The following OTUD7B variants were observed in gnomAD, a reference collection of about 807,000 sequenced individuals.
The protein encoded by OTUD7B is OTU domain-containing protein 7B.
Under a neutral mutation model 82.2 loss-of-function variants are expected in OTUD7B, and 34 were observed. The ratio of observed to expected loss-of-function variants is 0.41; its 90% CI spans 0.31 to 0.55. OTUD7B has a LOEUF of 0.55. Among genes scored for constraint, OTUD7B ranks in the 20% least tolerant of loss-of-function variants. The pLI, the probability that OTUD7B is intolerant of heterozygous loss-of-function variation, is 0.20. For synonymous variants in OTUD7B, 398 were observed against 402.7 expected (o/e 0.99, Z 0.14); for missense variants, 944 against 1,062.1 (o/e 0.89, Z 1.55).
chr1:149,971,892 T>C (rs1649964679), intron 2 of OTUD7B, among the ~76,000 whole-genome samples: 1 of 152,260 alleles, frequency 6.6e-6, no homozygotes, highest in Non-Finnish European at 1.5e-5. Context: ...ATGCATTGTA[T>C]AATTGCTCAC....
At chr1:150,047,539 T>A in the OTUD7B span, 1 of 152,290 alleles carries the variant, frequency 6.6e-6, no homozygotes, top group South Asian at 2.1e-4. Context: ...TAGCACCTAA[T>A]AGGTATTCAA....
intron 7 of OTUD7B, among the ~76,000 whole-genome samples, chr1:149,959,197 G>A (rs1553775162): frequency 6.7e-6 from 1 of 150,186 alleles, no homozygotes; most frequent in East Asian, 2.0e-4. Context: ...CTCCAGCCTG[G>A]GCAACAAAGT....
At chr1:150,051,036 C>T in the OTUD7B span, among the ~76,000 whole-genome samples, 3 of 151,886 alleles carry the variant, frequency 2.0e-5, no homozygotes, top group East Asian at 5.8e-4. Flanking sequence ...CAAGACCAGT[C>T]TGGCTAACAT....
At chr1:149,987,504 C>A (rs1651235427) in intron 1 of OTUD7B, among the ~76,000 whole-genome samples, 1 of 152,208 alleles carries the variant, frequency 6.6e-6, no homozygotes, top group South Asian at 2.1e-4. Flanking sequence ...TTCAGCCCTC[C>A]TGTTAGGATT....
At chr1:150,066,897 C>T in the OTUD7B span, 1 of 152,228 alleles carries the variant, frequency 6.6e-6, no homozygotes, top group African/African-American at 2.4e-5. The surrounding 1 kb of genome is among the most constrained non-coding windows in gnomAD (Gnocchi z 4.6). Context: ...CTTCAAATCC[C>T]CACGCTAGTT....
the OTUD7B span, among the ~76,000 whole-genome samples, chr1:150,049,628 TC>T: frequency 2.0e-3 from 105 of 52,412 alleles, no homozygotes; most frequent in African/African-American, 6.0e-3. Context: ...TCTCTCTCTC[TC>T]TTTCTTTTTT....
intron 2 of OTUD7B, among the ~76,000 whole-genome samples, chr1:149,973,706 G>A (rs1472699675): frequency 2.0e-5 from 3 of 151,774 alleles, no homozygotes; most frequent in African/African-American, 4.8e-5. Flanking sequence ...GGCTAGTCTC[G>A]AACTCCTGAC....
the OTUD7B span, among the ~76,000 whole-genome samples, chr1:150,042,479 A>G: frequency 3.3e-5 from 5 of 151,552 alleles, no homozygotes; most frequent in African/African-American, 1.2e-4. Flanking sequence ...CCGCCCCAAG[A>G]GTTCTTTTTA....
upstream of OTUD7B, among the ~76,000 whole-genome samples, chr1:150,014,044 GTGTGTGTATATATA>G (rs1219959925): frequency 1.1e-4 from 12 of 106,606 alleles, no homozygotes; most frequent in African/African-American, 3.2e-4. Flanking sequence ...ACGTATATAT[GTGTGTGTATATATA>G]TGTGTGTGTG....
chr1:149,946,741 G>GAAA (rs1553772237), intron 11 of OTUD7B, among the ~76,000 whole-genome samples: 9,409 of 79,350 alleles, frequency 0.12, 1,482 homozygotes, highest in Admixed American at 0.15. Flanking sequence ...GACTTCCTCT[G>GAAA]AAAAAAAAAA....
At chr1:150,063,226 C>G in the OTUD7B span, among the ~76,000 whole-genome samples, 1 of 152,010 alleles carries the variant, frequency 6.6e-6, no homozygotes, top group East Asian at 1.9e-4. Flanking sequence ...CCAAGGCAGG[C>G]AGATCACTTG....
intron 1 of OTUD7B, among the ~76,000 whole-genome samples, chr1:149,995,033 TAATA>T (rs1471568084): frequency 6.6e-6 from 1 of 152,204 alleles, no homozygotes; most frequent in Non-Finnish European, 1.5e-5. Context: ...GTTAAATACT[TAATA>T]AATATTCTTC....
At chr1:150,008,429 A>G (rs1456338121) in intron 1 of OTUD7B, among the ~76,000 whole-genome samples, 1 of 152,190 alleles carries the variant, frequency 6.6e-6, no homozygotes, top group Non-Finnish European at 1.5e-5. Context: ...AAACAAATAA[A>G]GCTTTGGGAA....
chr1:150,013,947 T>TATAC (rs782181773), upstream of OTUD7B, among the ~76,000 whole-genome samples: 9,472 of 104,068 alleles, frequency 0.091, 761 homozygotes, highest in East Asian at 0.21. Flanking sequence ...AATATATATA[T>TATAC]ACACACACAC....
chr1:149,957,759 C>T (rs587629765), intron 7 of OTUD7B, among the ~76,000 whole-genome samples: 2 of 152,360 alleles, frequency 1.3e-5, no homozygotes, highest in African/African-American at 4.8e-5. Flanking sequence ...CCCAGCCTCA[C>T]TGCCTCCTTG....
At chr1:149,950,717 TTTA>T (rs1648126444) in intron 7 of OTUD7B, among the ~76,000 whole-genome samples, 1 of 152,174 alleles carries the variant, frequency 6.6e-6, no homozygotes, top group African/African-American at 2.4e-5. Flanking sequence ...TTTGGAAATA[TTTA>T]TTGTGCTTTT....
the OTUD7B span, among the ~76,000 whole-genome samples, chr1:150,021,018 C>T: frequency 2.6e-5 from 4 of 152,322 alleles, no homozygotes; most frequent in African/African-American, 7.2e-5. Flanking sequence ...GTTGGCTAGA[C>T]TTCTAATACG....
chr1:149,989,374 G>A (rs1048838920), intron 1 of OTUD7B, among the ~76,000 whole-genome samples: 1 of 151,152 alleles, frequency 6.6e-6, no homozygotes, highest in African/African-American at 2.4e-5. Context: ...TCGGGAGGCT[G>A]AGGCAGGAGA....
upstream of OTUD7B, among the ~76,000 whole-genome samples, chr1:150,014,303 G>A (rs1198294916): frequency 6.7e-6 from 1 of 150,110 alleles, no homozygotes; most frequent in Non-Finnish European, 1.5e-5. Context: ...GGGAGGCTAA[G>A]GTGGGAGGAT....
Sources: allele counts gnomAD v4.1 joint callset (sites outside exome capture counted in the v4.1 genomes callset), GRCh38; gene constraint gnomAD v4.1.1; non-coding constraint Gnocchi (gnomAD v3.1); transcripts MANE v1.5; gene names NCBI Gene and HGNC (gene_info 2026-07-23, HGNC 2026-07-21).